Variants in C7orf33 observed in about 807,000 individuals in gnomAD.
The protein encoded by C7orf33 is uncharacterized protein C7orf33.
In C7orf33, 15 loss-of-function variants were observed where a neutral mutation model predicts 13.4. The observed-to-expected ratio is 1.12, with a 90% CI of 0.75 to 1.72. The LOEUF (loss-of-function observed/expected upper bound fraction) is 1.72. Among genes scored for constraint, C7orf33 ranks in the 40% most tolerant of loss-of-function variants. The pLI, the probability that C7orf33 is intolerant of heterozygous loss-of-function variation, is 0.00. For synonymous variants in C7orf33, 73 were observed against 83.2 expected (o/e 0.88, Z 0.67); for missense variants, 187 against 220.3 (o/e 0.85, Z 0.96).
At chr7:148,601,934 A>T (rs1039678541) in intron 1 of C7orf33, among the ~76,000 whole-genome samples, 1 of 151,880 alleles carries the variant, frequency 6.6e-6, no homozygotes, top group Non-Finnish European at 1.5e-5. Flanking sequence ...TTTTTTGTAG[A>T]GACAGGGTCT....
chr7:148,615,064 A>G (rs1256726243), intron 2 of C7orf33, among the ~76,000 whole-genome samples: 2 of 152,100 alleles, frequency 1.3e-5, no homozygotes, highest in Non-Finnish European at 2.9e-5. Flanking sequence ...TAAAATTTTT[A>G]TCTATTTACT....
intron 1 of C7orf33, among the ~76,000 whole-genome samples, chr7:148,605,013 C>T (rs893451949): frequency 4.6e-5 from 7 of 152,190 alleles, no homozygotes; most frequent in African/African-American, 1.7e-4. Flanking sequence ...GGGTGGATCA[C>T]CTGAGGTCAG....
intron 2 of C7orf33, among the ~76,000 whole-genome samples, 181 bp downstream of exon 2, chr7:148,614,477 T>C (rs1443610930): frequency 2.0e-5 from 3 of 152,226 alleles, no homozygotes; most frequent in South Asian, 2.1e-4. Flanking sequence ...ACTTGATTTA[T>C]GTTAAGATAA....
At chr7:148,612,172 G>C (rs12704040) in intron 1 of C7orf33, among the ~76,000 whole-genome samples, 54,771 of 152,094 alleles carry the variant, frequency 0.36, 12,110 homozygotes, top group East Asian at 0.55. Flanking sequence ...GACTGACAGA[G>C]ATCTTTGTAG....
At chr7:148,595,176 C>T (rs985526572) in intron 1 of C7orf33, among the ~76,000 whole-genome samples, 2 of 149,402 alleles carry the variant, frequency 1.3e-5, no homozygotes, top group Middle Eastern at 3.2e-3. Flanking sequence ...TTCAAGTGAT[C>T]GATCCTCCTG....
intron 1 of C7orf33, among the ~76,000 whole-genome samples, chr7:148,613,765 C>G (rs80080833): frequency 0.019 from 2,937 of 152,264 alleles, 33 homozygotes; most frequent in Non-Finnish European, 0.017. Flanking sequence ...CTTGAATATA[C>G]TGATAACCAC....
intron 1 of C7orf33, among the ~76,000 whole-genome samples, chr7:148,591,565 G>T (rs1053423109): frequency 6.6e-6 from 1 of 151,920 alleles, no homozygotes; most frequent in South Asian, 2.1e-4. Context: ...CTCTTCTCTC[G>T]CTTTAAAGAC....
intron 2 of C7orf33, 88 bp downstream of exon 2, chr7:148,614,384 T>C: frequency 7.1e-7 from 1 of 1,399,218 alleles, no homozygotes; most frequent in Non-Finnish European, 9.9e-7. Context: ...ATTGGAGGGA[T>C]TGTTGCATTC....
chr7:148,591,223 C>T (rs1796265864), intron 1 of C7orf33, 94 bp downstream of exon 1: 1 of 1,074,460 alleles, frequency 9.3e-7, no homozygotes, highest in Non-Finnish European at 1.4e-6. Context: ...GTTTTTGACT[C>T]TCTACTATGT....
chr7:148,612,864 ATT>A (rs913988145), intron 1 of C7orf33, among the ~76,000 whole-genome samples: 1 of 151,644 alleles, frequency 6.6e-6, no homozygotes, highest in Non-Finnish European at 1.5e-5. Context: ...TTTCCCTTTT[ATT>A]TTTAGTTGGC....
intron 1 of C7orf33, among the ~76,000 whole-genome samples, chr7:148,612,591 T>C (rs1796556534): frequency 6.6e-6 from 1 of 152,128 alleles, no homozygotes; most frequent in African/African-American, 2.4e-5. Context: ...TGAACAGATA[T>C]GTCTCCAGAA....
intron 1 of C7orf33, among the ~76,000 whole-genome samples, chr7:148,601,673 GTTA>G (rs1010866021): frequency 6.6e-6 from 1 of 152,048 alleles, no homozygotes; most frequent in African/African-American, 2.4e-5. Flanking sequence ...CTTGTTATTT[GTTA>G]TTAGTTTTTA....
At chr7:148,596,282 C>T (rs1027432636) in intron 1 of C7orf33, among the ~76,000 whole-genome samples, 9 of 152,148 alleles carry the variant, frequency 5.9e-5, no homozygotes, top group Admixed American at 2.6e-4. Flanking sequence ...TTTTTTACAA[C>T]TGATGAACCA....
chr7:148,594,499 C>T (rs1796307062), intron 1 of C7orf33, among the ~76,000 whole-genome samples: 1 of 152,066 alleles, frequency 6.6e-6, no homozygotes, highest in South Asian at 2.1e-4. Context: ...TATAAATTAC[C>T]CAGCCTTAGG....
intron 1 of C7orf33, among the ~76,000 whole-genome samples, chr7:148,599,682 T>G (rs898274338): frequency 3.3e-5 from 5 of 151,612 alleles, no homozygotes; most frequent in Non-Finnish European, 7.4e-5. Context: ...ACCATGTTGG[T>G]CAGGCTGGTC....
At chr7:148,609,886 G>C (rs1013079753) in intron 1 of C7orf33, among the ~76,000 whole-genome samples, 1 of 152,162 alleles carries the variant, frequency 6.6e-6, no homozygotes, top group African/African-American at 2.4e-5. Flanking sequence ...CCTGGAGGGG[G>C]AGTCTTCGCT....
At chr7:148,613,224 C>T (rs1055184372) in intron 1 of C7orf33, among the ~76,000 whole-genome samples, 3 of 152,176 alleles carry the variant, frequency 2.0e-5, no homozygotes, top group African/African-American at 7.2e-5. Context: ...TTTTTAGCTT[C>T]CACATATAAA....
chr7:148,597,082 C>T (rs1338840120), intron 1 of C7orf33, among the ~76,000 whole-genome samples: 1 of 151,956 alleles, frequency 6.6e-6, no homozygotes, highest in Non-Finnish European at 1.5e-5. Flanking sequence ...ATCTTGGATG[C>T]TTCCAAGTTT....
intron 1 of C7orf33, among the ~76,000 whole-genome samples, chr7:148,592,535 G>C (rs537740150): frequency 6.8e-6 from 1 of 147,018 alleles, no homozygotes; most frequent in African/African-American, 2.6e-5. Flanking sequence ...TTTTTTTTGA[G>C]ATGGAGTCTA....
Sources: gnomAD v4.1 joint callset for allele counts (sites outside exome capture counted in the v4.1 genomes callset) on GRCh38, gnomAD v4.1.1 for gene constraint, MANE v1.5 for transcripts, NCBI Gene and HGNC (gene_info 2026-07-23, HGNC 2026-07-21) for gene names.